BRDT: variants seen among roughly 807,000 people sequenced by gnomAD.
BRDT encodes bromodomain testis-specific protein.
In BRDT, 77 loss-of-function variants were observed where a neutral mutation model predicts 113.9. The observed-to-expected ratio is 0.68, with a 90% CI of 0.56 to 0.82. The LOEUF (loss-of-function observed/expected upper bound fraction) is 0.82, where lower values mean the gene tolerates loss of function less well. Ranked by LOEUF, BRDT falls within the 40% of genes least tolerant of loss-of-function variation. BRDT has a pLI of 0.00. For missense variants in BRDT, 1,027 were observed against 1,105.4 expected (o/e 0.93, Z 1.01); for synonymous variants, 358 against 366.5 (o/e 0.98, Z 0.26).
In BRDT at chr1:91,976,171, A is replaced by G. The variant is rs1684119696; in HGVS notation, c.446-95A>G. 5 of 1,282,180 alleles carry G rather than the reference A, an allele frequency of 3.9e-6. No individual in the cohort carries two copies. The African/African-American group carries it at 4.6e-5, about 12-fold the overall frequency. The allele number at this position is 1,282,180 out of a possible 1,614,324, so 79.4% of individuals were successfully genotyped here. ...ATAAGTATCCTATGCTTATATTGCTAAAAAGCTGAACTAAATGAAATAGAA... is the reference window on the plus strand; with the variant it reads ...ATAAGTATCCTATGCTTATATTGCTGAAAAGCTGAACTAAATGAAATAGAA... On this transcript the variant is annotated intron_variant, in intron 4 of 18. Coordinates refer to ENST00000399546, the MANE Select transcript of BRDT (RefSeq NM_207189.4).
At chr1:91,961,326 AAAAAT>A (rs765300173) in intron 1 of BRDT, among the ~76,000 whole-genome samples, 77 of 150,932 alleles carry the variant, frequency 5.1e-4, no homozygotes, top group Non-Finnish European at 8.4e-4. Flanking sequence ...ATAAAAACAG[AAAAAT>A]AAAATAAAAT....
At chr1:91,995,059 A>G (rs1028619863) in intron 15 of BRDT, among the ~76,000 whole-genome samples, 3 of 152,062 alleles carry the variant, frequency 2.0e-5, no homozygotes, top group African/African-American at 7.2e-5. Context: ...ATTTGACTTA[A>G]TATCTTATCA....
intron 11 of BRDT, 117 bp downstream of exon 11, chr1:91,981,498 CCT>C: frequency 1.3e-6 from 2 of 1,530,382 alleles, no homozygotes; most frequent in East Asian, 4.5e-5. Flanking sequence ...TCCACCTTGG[CCT>C]CTCAAAGTGC....
At chr1:92,008,149 C>T (rs1687497652) in intron 18 of BRDT, among the ~76,000 whole-genome samples, 1 of 152,160 alleles carries the variant, frequency 6.6e-6, no homozygotes, top group African/African-American at 2.4e-5. Context: ...AACTCCTAAC[C>T]TCAGGTGATC....
rs527328444 is a variant in BRDT at position 91,973,497 on chromosome 1, C to T, written c.446-2769C>T. Among the ~76,000 whole-genome samples the T allele has an allele frequency of 5.3e-5, 8 of 152,250 alleles. No homozygotes were observed. In the East Asian group the frequency reaches 1.5e-3, roughly 29 times the overall value. Reference sequence around the variant, plus strand: ...TAGTTCTCCTTGAAGAGGTCCTTCACATCCCTTGTAAGTTGGATTCCTAGG... The same window carrying T: ...TAGTTCTCCTTGAAGAGGTCCTTCATATCCCTTGTAAGTTGGATTCCTAGG... On this transcript the variant is annotated intron_variant, in intron 4 of 18. Transcript: ENST00000399546.
intron 13 of BRDT, among the ~76,000 whole-genome samples, chr1:91,991,985 CTG>C (rs1270126434): frequency 3.3e-5 from 3 of 89,716 alleles, no homozygotes; most frequent in Non-Finnish European, 5.9e-5. Context: ...GAGCAAGACT[CTG>C]TCTCAAAAAA....
chr1:91,989,602 C>G (rs1685587359), intron 12 of BRDT, among the ~76,000 whole-genome samples: 1 of 152,192 alleles, frequency 6.6e-6, no homozygotes, highest in Admixed American at 6.5e-5. Flanking sequence ...CTCAAGTGAT[C>G]TAACCACCTT....
In BRDT at chr1:91,954,254, G is replaced by A. The variant is rs985509639; in HGVS notation, c.-38+4572G>A. Among the ~76,000 whole-genome samples the A allele has an allele frequency of 9.3e-5, 14 of 150,380 alleles. No individual in the cohort carries two copies. In the South Asian group the frequency reaches 2.7e-3, roughly 29 times the overall value. On this transcript the variant is annotated intron_variant, in intron 1 of 18. Coordinates refer to ENST00000399546, the MANE Select transcript of BRDT (RefSeq NM_207189.4). Reference sequence around the variant, plus strand: ...CCCAAAGTGCTGAGATTTTAGGTGCGAGCCACGGTGCTCGGCATTTTTTTT... The same window carrying A: ...CCCAAAGTGCTGAGATTTTAGGTGCAAGCCACGGTGCTCGGCATTTTTTTT...
intron 18 of BRDT, among the ~76,000 whole-genome samples, chr1:92,008,799 C>T (rs185625366): frequency 2.0e-4 from 30 of 152,124 alleles, no homozygotes; most frequent in Non-Finnish European, 3.8e-4. Context: ...TAGCAATGTG[C>T]GTTTAAGGTT....
intron 4 of BRDT, among the ~76,000 whole-genome samples, chr1:91,968,739 C>A (rs2101608397): frequency 6.6e-6 from 1 of 152,156 alleles, no homozygotes; most frequent in South Asian, 2.1e-4. Context: ...ATAATCATAT[C>A]ATTTAAATAT....
In BRDT at chr1:92,011,874, A is replaced by G. The variant is rs138037570; in HGVS notation, c.2776-2332A>G. Among the ~76,000 whole-genome samples the G allele has an allele frequency of 2.3e-3, 352 of 152,328 alleles. 1 individual carries two copies. Among genetic ancestry groups the G allele is most frequent in the African/African-American group, 7.6e-3 (314 of 41,578 alleles). Reference sequence around the variant, plus strand: ...GCAATAATAACTTGACACTTAGCAGAGTTCCCAAACGTTTACCTCATGCCA... The same window carrying G: ...GCAATAATAACTTGACACTTAGCAGGGTTCCCAAACGTTTACCTCATGCCA... On this transcript the variant is annotated intron_variant, in intron 18 of 18. Transcript: ENST00000399546.
At chr1:92,006,390 T>G (rs1328265339) in intron 18 of BRDT, among the ~76,000 whole-genome samples, 1 of 151,640 alleles carries the variant, frequency 6.6e-6, no homozygotes, top group Non-Finnish European at 1.5e-5. Flanking sequence ...TATCTTGTGT[T>G]TTTTTTTTAA....
intron 12 of BRDT, among the ~76,000 whole-genome samples, chr1:91,989,138 T>C (rs1475694786): frequency 6.6e-6 from 1 of 152,100 alleles, no homozygotes; most frequent in African/African-American, 2.4e-5. Context: ...CCTAGTTTTA[T>C]GTATTAGAAA....
chr1:91,984,377 A>AAGCAAGTCAAATCATATCATT (rs1553192125), intron 12 of BRDT, among the ~76,000 whole-genome samples: 1 of 152,174 alleles, frequency 6.6e-6, no homozygotes, highest in Non-Finnish European at 1.5e-5. Flanking sequence ...TGTGAAAAAT[A>AAGCAAGTCAAATCATATCATT]AGCAAGTCAA....
chr1:91,980,979 G>A lies in BRDT; in HGVS notation c.1551G>A (p.Gln517=). Residue 517 remains glutamine (Q), a synonymous_variant, in exon 10 of 19, where the codon CAG becomes CAA. Coordinates refer to ENST00000399546, the MANE Select transcript of BRDT (RefSeq NM_207189.4). ...CTATGAACTATGATGAGAAAAGGCA[G>A]TTAAGTCTGAATATAAACAAACTCC... ...AKPMNYDEKR[Q]LSLNINKLPG... The A allele has an allele frequency of 1.9e-6, 3 of 1,614,032 alleles. No homozygotes were observed. The highest frequency in any genetic ancestry group is 2.5e-6 in the Non-Finnish European group (3 of 1,179,956).
At chr1:91,977,964 C>G (rs1338371286) in intron 6 of BRDT, among the ~76,000 whole-genome samples, 1 of 152,120 alleles carries the variant, frequency 6.6e-6, no homozygotes, top group African/African-American at 2.4e-5. Flanking sequence ...CTCATCTCTA[C>G]TTGTCAAAAT....
At chr1:91,984,311 G>A (rs1024459012) in intron 12 of BRDT, among the ~76,000 whole-genome samples, 11 of 151,714 alleles carry the variant, frequency 7.3e-5, no homozygotes, top group Non-Finnish European at 1.5e-5. Flanking sequence ...TGTAAACTAA[G>A]AACATTTTTT....
intron 15 of BRDT, among the ~76,000 whole-genome samples, chr1:91,996,800 G>T (rs1414316653): frequency 6.6e-6 from 1 of 152,182 alleles, no homozygotes; most frequent in African/African-American, 2.4e-5. Context: ...GAAAACAGGG[G>T]ACAGAACTCA....
intron 15 of BRDT, among the ~76,000 whole-genome samples, chr1:91,997,243 A>G (rs1686432158): frequency 6.6e-6 from 1 of 152,148 alleles, no homozygotes; most frequent in Non-Finnish European, 1.5e-5. Flanking sequence ...CTTTTTTAGT[A>G]CCTGTTGTGA....
Sources: gnomAD v4.1 joint callset for allele counts (sites outside exome capture counted in the v4.1 genomes callset) on GRCh38, gnomAD v4.1.1 for gene constraint, MANE v1.5 for transcripts, NCBI Gene and HGNC (gene_info 2026-07-23, HGNC 2026-07-21) for gene names.